UBXN6: variants seen among roughly 807,000 people sequenced by gnomAD.
UBXN6 encodes the protein UBX domain-containing protein 6.
A neutral mutation model predicts 51.4 loss-of-function variants in UBXN6; 44 were observed. That is an observed-to-expected ratio of 0.86 (90% confidence interval 0.67 to 1.10). UBXN6 has a LOEUF of 1.10. Among genes scored for constraint, UBXN6 ranks in the 50% least tolerant of loss-of-function variants. UBXN6 has a pLI of 0.00. For missense variants in UBXN6, 672 were observed against 596.1 expected, an observed-to-expected ratio of 1.13 and a Z score of -1.32; for synonymous variants, 316 against 263.2, an observed-to-expected ratio of 1.20 and a Z score of -1.94.
Position 4,445,359 on chromosome 19 carries a change from C to T in UBXN6, c.*139G>A. The T allele has an allele frequency of 1.4e-6, 2 of 1,429,936 alleles. No homozygotes were observed. Among genetic ancestry groups the T allele is most frequent in the Non-Finnish European group, 1.9e-6 (2 of 1,054,480 alleles). The allele number at this position is 1,429,936 out of a possible 1,614,324, so 88.6% of individuals were successfully genotyped here. ...GCCACGGGGCCCAATTCCACAGCTCCACGGCTGGCGCCCCTCCCGTGCCCA... is the reference window on the plus strand; with the variant it reads ...GCCACGGGGCCCAATTCCACAGCTCTACGGCTGGCGCCCCTCCCGTGCCCA... On this transcript the variant is annotated 3_prime_UTR_variant, in exon 11 of 11. Coordinates refer to ENST00000301281, the MANE Select transcript of UBXN6 (RefSeq NM_025241.3).
rs200014531 is a variant in UBXN6, at chr19:4,454,044, G to A, written c.133C>T (p.Arg45Cys). The A allele has an allele frequency of 8.3e-5, 131 of 1,587,050 alleles. No individual in the cohort carries two copies. The highest frequency in any genetic ancestry group is 4.9e-4 in the East Asian group (22 of 44,516). ...TGTGCCTCATTGGTGGGTCCCTGGC[G>A]GGGCGGCCTGGGGGCTGGCTGGTTG... ...KPNQPAPRPPRQGPTNEAQMA... is the reference protein window; with the variant it reads ...KPNQPAPRPPCQGPTNEAQMA... The change falls in exon 2 of 11, where the codon CGC (arginine) becomes TGC (cysteine). Residue 45 changes from arginine to cysteine, a missense_variant. Physicochemically the swap from Arg to Cys is radical, Grantham distance 180 (BLOSUM62 -3). Transcript: ENST00000301281.
chr19:4,457,536 G>A (rs1265306501), intron 1 of UBXN6, 79 bp downstream of exon 1: 5 of 1,155,602 alleles, frequency 4.3e-6, no homozygotes, highest in Middle Eastern at 2.5e-4. Context: ...CCGATCTCCC[G>A]AGCCGCCCAA....
intron 1 of UBXN6, among the ~76,000 whole-genome samples, chr19:4,456,097 C>T (rs539179171): frequency 3.9e-5 from 6 of 151,968 alleles, no homozygotes; most frequent in Non-Finnish European, 7.4e-5. Flanking sequence ...ACCTCCGCAC[C>T]GCTTCCTTTC....
intron 5 of UBXN6, 144 bp from the exon 6 acceptor site, chr19:4,447,769 A>C: frequency 1.3e-6 from 1 of 782,734 alleles, no homozygotes; most frequent in East Asian, 2.6e-5. Flanking sequence ...CGAGGGCAGC[A>C]GACCATCTCC....
intron 1 of UBXN6, 123 bp downstream of exon 1, chr19:4,457,492 A>G (rs1599683749): frequency 4.8e-6 from 3 of 622,246 alleles, no homozygotes; most frequent in Non-Finnish European, 6.5e-6. Context: ...CCCTCCCCTG[A>G]CCCTCGCGTG....
Position 4,446,307 on chromosome 19 carries a change from G to C in UBXN6, c.1027C>G (p.Leu343Val). 6.4e-7 allele frequency: 1 copy of C among 1,572,988 alleles called. No individual in the cohort carries two copies. Among genetic ancestry groups the C allele is most frequent in the South Asian group, 1.1e-5 (1 of 87,442 alleles). The change falls in exon 9 of 11, where the codon CTC (leucine) becomes GTC (valine). Residue 343 changes from leucine to valine, a missense_variant. Leu to Val is a conservative substitution (Grantham distance 32, BLOSUM62 1). Transcript: ENST00000301281. ...CCCTGCAGGAGGCAGCCATCGGGGA[G>C]GCGCACGCGCAGCAGCGTGTAGTTG... ...KYNYTLLRVR[L>V]PDGCLLQGTF... is the part of the protein sequence containing the mutation.
intron 1 of UBXN6, chr19:4,455,427 G>A (rs956851534): frequency 1.1e-5 from 4 of 347,914 alleles, no homozygotes; most frequent in East Asian, 1.7e-4. Flanking sequence ...GGCCTCATCC[G>A]ATATCTGGGT....
chr19:4,445,656 G>A (rs201865786), intron 10 of UBXN6, 33 bp from the exon 11 acceptor site: 334 of 1,597,548 alleles, frequency 2.1e-4, no homozygotes, highest in African/African-American at 1.8e-3. Context: ...CTCTGAGACC[G>A]AGAGTCGGCC....
At chr19:4,450,758 C>CAAAAAAAA (rs58900477) in intron 4 of UBXN6, 21 of 43,802 alleles carry the variant, frequency 4.8e-4, no homozygotes, top group Middle Eastern at 0.025. Flanking sequence ...GACTCTGTCT[C>CAAAAAAAA]AAAAAAAAAA....
Position 4,454,120 on chromosome 19 carries a change from T to C in UBXN6, c.84-27A>G, listed in dbSNP as rs907103290. 1.3e-5 allele frequency: 19 copies of C among 1,503,294 alleles called. No individual in the cohort carries two copies. The African/African-American group carries it at 2.3e-4, about 18-fold the overall frequency. The allele number at this position is 1,503,294 out of a possible 1,614,324, so 93.1% of individuals were successfully genotyped here. A position where few individuals can be genotyped will look rare whatever the true frequency, so the allele number is the denominator to read the frequency against. On this transcript the variant is annotated intron_variant, in intron 1 of 10. Coordinates refer to ENST00000301281, the MANE Select transcript of UBXN6 (RefSeq NM_025241.3). ...TGGGAACAGACCGAGGGAGAGTGAG[T>C]GTATCCTCCCGAGGTGGCCGGCAAA...
Position 4,448,223 on chromosome 19 carries a change from G to A in UBXN6, c.539+95C>T, listed in dbSNP as rs1974579349. 3.5e-6 allele frequency: 4 copies of A among 1,136,874 alleles called. No individual in the cohort carries two copies. In the Admixed American group the frequency reaches 6.0e-5, roughly 17 times the overall value. 70.4% of individuals were successfully genotyped at this position (1,136,874 alleles called of 1,614,324 possible). The stretch of plus-strand genomic sequence containing the variant: ...TGCTCCTTCCCAACCCACCTCAGCA[G>A]GTAATGAGGGGGCCAGAGGGGGTGA... On this transcript the variant is annotated intron_variant, in intron 5 of 10. Transcript: ENST00000301281.
intron 5 of UBXN6, 183 bp from the exon 6 acceptor site, chr19:4,447,808 T>C (rs2145174199): frequency 3.2e-6 from 2 of 620,644 alleles, no homozygotes; most frequent in South Asian, 1.8e-5. Flanking sequence ...GGACACCCCA[T>C]GGAGCCCACC....
At chr19:4,452,923 G>A (rs1231815424) in intron 3 of UBXN6, among the ~76,000 whole-genome samples, 1 of 152,190 alleles carries the variant, frequency 6.6e-6, no homozygotes, top group African/African-American at 2.4e-5. Flanking sequence ...AAAATTCACT[G>A]AATCCTCGAG....
chr19:4,445,954 G>A (rs1974502262), intron 10 of UBXN6, 95 bp downstream of exon 10: 22 of 1,502,176 alleles, frequency 1.5e-5, no homozygotes, highest in Non-Finnish European at 1.9e-5. Context: ...CCTGCTCTGA[G>A]AACAAGGAGG....
At chr19:4,447,779 C>T (rs918053658) in intron 5 of UBXN6, 154 bp from the exon 6 acceptor site, 77 of 724,524 alleles carry the variant, frequency 1.1e-4, no homozygotes, top group African/African-American at 1.9e-4. Context: ...AGACCATCTC[C>T]GGGTGGAAGG....
chr19:4,454,077 C>T lies in UBXN6; in HGVS notation c.100G>A (p.Glu34Lys). The change falls in exon 2 of 11, where the codon GAG (glutamate) becomes AAG (lysine). Residue 34 changes from glutamate (E) to lysine (K), a missense_variant. By Grantham distance (56) the Glu-to-Lys change is moderately conservative. Transcript: ENST00000301281. ...KESVGEKAHKEKPNQPAPRPP... is the reference protein window; with the variant it reads ...KESVGEKAHKKKPNQPAPRPP... ...CTGGGGGCTGGCTGGTTGGGCTTCT[C>T]TTTGTGGGCCTTTTCCCTGGGAACA... The T allele has an allele frequency of 6.4e-7, 1 of 1,560,928 alleles. No homozygotes were observed. The highest frequency in any genetic ancestry group is 1.2e-5 in the South Asian group (1 of 83,672).
At position 4,446,632 on chromosome 19, in the gene UBXN6, G is replaced by T. The variant is rs8101961; in HGVS notation, c.788C>A (p.Ala263Glu). ...LERHKEQLLA[A>E]EPVRAKLDRQ... ...GTCCAGCTTGGCGCGCACGGGCTCC[G>T]CAGCCAGCAGCTGTTCCTTGTGCCT... Residue 263 changes from alanine (A) to glutamate (E), a missense_variant, in exon 8 of 11, where the codon GCG becomes GAG. Transcript: ENST00000301281. The T allele has an allele frequency of 5.6e-6, 9 of 1,612,348 alleles. No individual in the cohort carries two copies. The highest frequency in any genetic ancestry group is 7.6e-6 in the Non-Finnish European group (9 of 1,179,710).
chr19:4,456,344 C>T (rs1391832695), intron 1 of UBXN6, among the ~76,000 whole-genome samples: 2 of 151,148 alleles, frequency 1.3e-5, no homozygotes, highest in South Asian at 4.2e-4. Context: ...CTGACGTCCT[C>T]ACTATGCCCC....
rs978819712 is a variant in UBXN6 at position 4,447,746 on chromosome 19, C to T, written c.540-121G>A. On this transcript the variant is annotated intron_variant, in intron 5 of 10. Transcript: ENST00000301281. ...TTGGCCTCTAGTCAGAGGGAAGAAG[C>T]GGCCCAGTGACGCGAGGGCAGCAGA... is the stretch of plus-strand genomic sequence containing the variant. 2.6e-5 allele frequency: 27 copies of T among 1,020,102 alleles called. 1 individual carries two copies. Among genetic ancestry groups the T allele is most frequent in the Non-Finnish European group, 3.2e-5 (21 of 653,598 alleles). The allele number at this position is 1,020,102 out of a possible 1,614,324, so 63.2% of individuals were successfully genotyped here.
Sources: gnomAD v4.1 joint callset for allele counts (sites outside exome capture counted in the v4.1 genomes callset) on GRCh38, gnomAD v4.1.1 for gene constraint, MANE v1.5 for transcripts, NCBI Gene and HGNC (gene_info 2026-07-23, HGNC 2026-07-21) for gene names.